CCPG1: variants seen among roughly 807,000 people sequenced by gnomAD.
The protein encoded by CCPG1 is cell cycle progression protein 1.
CCPG1 carries 46 observed loss-of-function variants against 81.3 expected under a neutral mutation model. The ratio of observed to expected loss-of-function variants is 0.57; its 90% confidence interval spans 0.45 to 0.72. The LOEUF is 0.72. Ranked by LOEUF, CCPG1 falls within the 30% of genes least tolerant of loss-of-function variation. The probability of loss-of-function intolerance (pLI) is 0.00; values close to 1 mark genes in which losing one functional copy is unlikely to be tolerated. For synonymous variants in CCPG1, 330 were observed against 305.2 expected, an observed-to-expected ratio of 1.08 and a Z score of -0.85; for missense variants, 902 against 937.6, an observed-to-expected ratio of 0.96 and a Z score of 0.50.
chr15:55,364,021 C>T (rs1200100668), intron 7 of CCPG1, among the ~76,000 whole-genome samples: 2 of 150,026 alleles, frequency 1.3e-5, no homozygotes, highest in African/African-American at 4.9e-5. Context: ...CCAGGCTGGT[C>T]TTGAACTCCT....
chr15:55,367,154 C>T (rs938849901), intron 6 of CCPG1, among the ~76,000 whole-genome samples: 5 of 152,136 alleles, frequency 3.3e-5, no homozygotes, highest in African/African-American at 7.2e-5. Flanking sequence ...TATAGAAGCA[C>T]GGCAAGCTTG....
chr15:55,357,245 G>T, intron 8 of CCPG1: 1 of 882,680 alleles, frequency 1.1e-6, no homozygotes, highest in Non-Finnish European at 1.4e-6. Flanking sequence ...CCAACAAGAT[G>T]ACCCAACCCA....
In CCPG1 at chr15:55,359,739, A is replaced by G. The variant is rs1479786174; in HGVS notation, c.2034T>C (p.Asp678=). The G allele has an allele frequency of 6.2e-6, 10 of 1,613,552 alleles. No individual in the cohort carries two copies. The South Asian group carries it at 1.1e-4, about 18-fold the overall frequency. ...LDTFCHWNEL[D]QFINKFFLNG... ...TTAGGAAAAACTTATTGATGAACTG[A>G]TCAAGTTCGTTCCAGTGACAAAAAG... is the stretch of plus-strand genomic sequence containing the variant. The change falls in exon 8 of 9, where the codon GAT becomes GAC. Residue 678 remains aspartate (D), a synonymous_variant. Coordinates refer to ENST00000442196, the MANE Select transcript of CCPG1 (RefSeq NM_001204450.2).
intron 4 of CCPG1, 74 bp downstream of exon 4, chr15:55,378,226 T>C: frequency 4.4e-6 from 4 of 900,250 alleles, no homozygotes; most frequent in Non-Finnish European, 5.1e-6. Context: ...AATGCATAAA[T>C]AGAATTAGAG....
Position 55,355,322 on chromosome 15 carries a change from A to G in CCPG1, c.*898T>C. The G allele has an allele frequency of 6.2e-7, 1 of 1,611,366 alleles. No individual in the cohort carries two copies. The highest frequency in any genetic ancestry group is 8.5e-7 in the Non-Finnish European group (1 of 1,177,984). ...TTTCCTAATTTCAAGCAATTATAAA[A>G]GAACTGCTGTTTTCTTCCACACTCA... On this transcript the variant is annotated 3_prime_UTR_variant, in exon 9 of 9. Transcript: ENST00000442196.
At chr15:55,398,634 A>T (rs112745993) in intron 1 of CCPG1, among the ~76,000 whole-genome samples, 26,852 of 151,340 alleles carry the variant, frequency 0.18, 4,100 homozygotes, top group African/African-American at 0.42. Flanking sequence ...CAGGCTGGAG[A>T]GCAGTGGCGC....
At chr15:55,397,821 A>C (rs753569353) in intron 1 of CCPG1, among the ~76,000 whole-genome samples, 2 of 152,132 alleles carry the variant, frequency 1.3e-5, no homozygotes, top group Non-Finnish European at 2.9e-5. Context: ...TATTAAAAAT[A>C]CAAAAATTGG....
Position 55,360,867 on chromosome 15 carries a change from G to T in CCPG1, c.906C>A (p.Asn302Lys), listed in dbSNP as rs1358755322. ...TTAAATACTGATTTTCTGTAGCAAG[G>T]TTCGTTTTCTGAGTTTCAAAGGACA... The part of the protein sequence containing the change: ...EKMSFETQKT[N>K]LATENQYLRV... Residue 302 changes from asparagine (N) to lysine (K), a missense_variant, in exon 8 of 9, where the codon AAC becomes AAA. Around this residue, in one of 3 missense-constraint regions of CCPG1, gnomAD observed 746 missense variants for 728.6 expected, o/e 1.02. Transcript: ENST00000442196. The T allele has an allele frequency of 1.9e-6, 3 of 1,605,828 alleles. No homozygotes were observed. Among genetic ancestry groups the T allele is most frequent in the East Asian group, 2.2e-5 (1 of 44,832 alleles).
chr15:55,390,335 C>G (rs1019846716), intron 1 of CCPG1, among the ~76,000 whole-genome samples: 9 of 152,170 alleles, frequency 5.9e-5, no homozygotes, highest in Non-Finnish European at 1.3e-4. Context: ...CTGGCAACAA[C>G]CTGGACTCAA....
Position 55,385,590 on chromosome 15 carries a change from A to T in CCPG1, c.175+10T>A. 7.0e-7 allele frequency: 1 copy of T among 1,436,936 alleles called. No individual in the cohort carries two copies. The highest frequency in any genetic ancestry group is 9.6e-7 in the Non-Finnish European group (1 of 1,045,726). The allele number at this position is 1,436,936 out of a possible 1,614,324, so 89.0% of individuals were successfully genotyped here. On this transcript the variant is annotated intron_variant, in intron 3 of 8. Transcript: ENST00000442196. ...ATTAAAAAAAAAATTAGAATTTGTG[A>T]ACAACTTACCTCCTTGCTCTATCTG...
chr15:55,396,059 C>T lies in CCPG1; in HGVS notation c.-9-6626G>A, dbSNP rs551707815. Among the ~76,000 whole-genome samples, 40 of 150,870 alleles carry T rather than the reference C, an allele frequency of 2.7e-4. 1 individual carries two copies. The highest frequency in any genetic ancestry group is 9.8e-4 in the African/African-American group (40 of 41,014). On this transcript the variant is annotated intron_variant, in intron 1 of 8. Coordinates refer to ENST00000442196, the MANE Select transcript of CCPG1 (RefSeq NM_001204450.2). ...GTCTCAGCTACTCAGGAGCCTGAGT[C>T]AGGAGAATTGCTTGAAACCAGGAGG...
chr15:55,385,520 C>T, intron 3 of CCPG1, 80 bp downstream of exon 3: 1 of 690,176 alleles, frequency 1.4e-6, no homozygotes, highest in Non-Finnish European at 2.4e-6. Flanking sequence ...GAAAGGCCAC[C>T]CACCTGGAAA....
chr15:55,377,244 T>C, intron 4 of CCPG1, 94 bp from the exon 5 acceptor site: 1 of 833,420 alleles, frequency 1.2e-6, no homozygotes, highest in Non-Finnish European at 1.9e-6. Flanking sequence ...ATTATAGTCA[T>C]CTGAGTTAAA....
chr15:55,400,561 A>ACG (rs2057109494), intron 1 of CCPG1, among the ~76,000 whole-genome samples: 2 of 110,446 alleles, frequency 1.8e-5, no homozygotes, highest in Admixed American at 1.6e-4. Context: ...TCTCAAAAAA[A>ACG]CAAAAACAAA....
rs772257527 is a variant in CCPG1, at chr15:55,371,947, G to A, written c.552C>T (p.Thr184=). The A allele has an allele frequency of 5.4e-5, 87 of 1,614,036 alleles. No individual in the cohort carries two copies. The highest frequency in any genetic ancestry group is 2.7e-4 in the Admixed American group (16 of 59,996). Residue 184 remains threonine, a synonymous_variant, in exon 6 of 9, where the codon ACC becomes ACT. Transcript: ENST00000442196. ...AFRRRRARKK[T]VSASESEDRL... The stretch of plus-strand genomic sequence containing the variant: ...GGTCTTCAGATTCTGAAGCAGAAAC[G>A]GTCTTCTTCCTAGCACGGCGTCGTC...
chr15:55,358,601 CA>C, intron 8 of CCPG1: 1 of 985,394 alleles, frequency 1.0e-6, no homozygotes, highest in Non-Finnish European at 1.2e-6. Flanking sequence ...ATTTCTCTTC[CA>C]AAAGCTACTT....
chr15:55,388,841 C>T (rs1185392280), intron 2 of CCPG1, among the ~76,000 whole-genome samples: 1 of 150,916 alleles, frequency 6.6e-6, no homozygotes, highest in African/African-American at 2.4e-5. Flanking sequence ...GAAGCCGAGG[C>T]AGATGGATCA....
intron 7 of CCPG1, among the ~76,000 whole-genome samples, chr15:55,364,318 C>A (rs1425613183): frequency 6.7e-6 from 1 of 150,046 alleles, no homozygotes; most frequent in Admixed American, 6.7e-5. Flanking sequence ...TAAAAAAAAA[C>A]AATGGAAAGG....
chr15:55,384,513 G>T (rs11855061), intron 3 of CCPG1, among the ~76,000 whole-genome samples: 10 of 152,062 alleles, frequency 6.6e-5, no homozygotes, highest in African/African-American at 2.4e-4. Flanking sequence ...CACAAAATTA[G>T]CTGGGCACGG....
Sources: gnomAD v4.1 joint callset for allele counts (sites outside exome capture counted in the v4.1 genomes callset) on GRCh38, gnomAD v4.1.1 for gene constraint, gnomAD v4.1.1 regional missense constraint, MANE v1.5 for transcripts, NCBI Gene and HGNC (gene_info 2026-07-23, HGNC 2026-07-21) for gene names.